Variants in SREK1 observed in about 807,000 individuals in gnomAD.
SREK1 encodes the protein splicing regulatory glutamic acid and lysine rich protein 1.
In SREK1, 13 loss-of-function variants were observed where a neutral mutation model predicts 66.5. The observed-to-expected ratio is 0.20, with a 90% CI of 0.13 to 0.31. SREK1 has a LOEUF of 0.31. Ranked by LOEUF, SREK1 falls within the 10% of genes least tolerant of loss-of-function variation. The pLI is 1.00. For synonymous variants in SREK1, 265 were observed against 263.5 expected (o/e 1.01, Z -0.05); for missense variants, 607 against 769.6 (o/e 0.79, Z 2.50).
intron 2 of SREK1, chr5:66,157,703 C>T (rs2111993978): frequency 1.0e-6 from 1 of 954,040 alleles, no homozygotes; most frequent in Non-Finnish European, 1.2e-6. Context: ...CCAGAATTTT[C>T]ACTGAAATAA....
chr5:66,172,387 T>G (rs906028716), intron 9 of SREK1, among the ~76,000 whole-genome samples: 2 of 152,190 alleles, frequency 1.3e-5, no homozygotes, highest in African/African-American at 4.8e-5. Context: ...TTCACATTCA[T>G]TCCTAAATAT....
chr5:66,162,151 G>A lies in SREK1; in HGVS notation c.454G>A (p.Ala152Thr). 6.2e-7 allele frequency: 1 copy of A among 1,613,974 alleles called. No homozygotes were observed. The highest frequency in any genetic ancestry group is 8.5e-7 in the Non-Finnish European group (1 of 1,179,956). ...CAGTTTGGGAGCTATACCAGCAGCAGCACTAGACCCCAACATTGCAACACT... is the reference window on the plus strand; with the variant it reads ...CAGTTTGGGAGCTATACCAGCAGCAACACTAGACCCCAACATTGCAACACT... ...LSSLGAIPAA[A>T]LDPNIATLGE... Residue 152 changes from alanine to threonine, a missense_variant, in exon 4 of 12, where the codon GCA (alanine) becomes ACA (threonine). This residue lies in a region of SREK1 where 99 missense variants were observed against 186.6 expected (regional missense o/e 0.53). Transcript: ENST00000334121.
In SREK1 at chr5:66,183,583, A is replaced by T. The variant is rs1054114379; in HGVS notation, c.*4715A>T. On this transcript the variant is annotated 3_prime_UTR_variant, in exon 12 of 12. Transcript: ENST00000334121. ...CAAACAATGCTGCTATTATGTTGCT[A>T]TATTTTTAATAAAATGAAAATCTTA... is the stretch of plus-strand genomic sequence containing the variant. The T allele has an allele frequency of 6.6e-6, 1 of 152,210 alleles. No homozygotes were observed. Among genetic ancestry groups the T allele is most frequent in the South Asian group, 2.1e-4 (1 of 4,836 alleles). The allele number at this position is 152,210 out of a possible 1,614,324, so 9.4% of individuals were successfully genotyped here. A position where few individuals can be genotyped will look rare whatever the true frequency, so the allele number is the denominator to read the frequency against.
intron 3 of SREK1, 23 bp downstream of exon 3, chr5:66,159,357 T>C (rs770465974): frequency 6.4e-7 from 1 of 1,572,382 alleles, no homozygotes; most frequent in South Asian, 1.2e-5. Flanking sequence ...AGCTGGCTTA[T>C]GAAAGAGGTG....
chr5:66,179,723 C>T lies in SREK1; in HGVS notation c.*855C>T, dbSNP rs1746353671. 4 of 152,468 alleles carry T rather than the reference C, an allele frequency of 2.6e-5. No homozygotes were observed. Among genetic ancestry groups the T allele is most frequent in the Non-Finnish European group, 5.9e-5 (4 of 67,954 alleles). The allele number at this position is 152,468 out of a possible 1,614,324, so 9.4% of individuals were successfully genotyped here. On this transcript the variant is annotated 3_prime_UTR_variant, in exon 12 of 12. Transcript: ENST00000334121. The stretch of plus-strand genomic sequence containing the variant: ...CTTATAAAAAAGGAAACTGGCTTTT[C>T]AAAATGGGCTATGGGAGCACAAGCT...
In SREK1 at chr5:66,174,954, G is replaced by A. The variant is rs773818045; in HGVS notation, c.1493G>A (p.Arg498His). Residue 498 changes from arginine to histidine, a missense_variant, in exon 10 of 12, where the codon CGT (arginine) becomes CAT (histidine). Arg to His is a conservative substitution (Grantham distance 29). Around this residue, in one of 5 missense-constraint regions of SREK1, gnomAD observed 318 missense variants for 310.3 expected, o/e 1.02. Coordinates refer to ENST00000334121, the MANE Select transcript of SREK1 (RefSeq NM_001077199.3). ...GTGTTTTTGATTTTCAGGGAAAGGC[G>A]TAGGAGGAGGAGCAGGAGTTCTTCC... ...RRSRSSSRER[R>H]RRRSRSSSRS... The A allele has an allele frequency of 1.1e-5, 18 of 1,612,502 alleles. No homozygotes were observed. In the East Asian group the frequency reaches 1.6e-4, roughly 14 times the overall value.
In SREK1 at chr5:66,151,056, G is replaced by A. The variant is rs564079580; in HGVS notation, c.162-2407G>A. Among the ~76,000 whole-genome samples the A allele has an allele frequency of 5.3e-5, 8 of 152,226 alleles. No individual in the cohort carries two copies. The South Asian group carries it at 1.7e-3, about 32-fold the overall frequency. ...GGGTTTCATCATGTTGGCTAGACTG[G>A]TCTCAAACTCCTGACATCAGGTGAT... On this transcript the variant is annotated intron_variant, in intron 1 of 11. Coordinates refer to ENST00000334121, the MANE Select transcript of SREK1 (RefSeq NM_001077199.3).
intron 1 of SREK1, among the ~76,000 whole-genome samples, chr5:66,145,978 G>T (rs1389571468): frequency 6.6e-6 from 1 of 151,322 alleles, no homozygotes; most frequent in African/African-American, 2.4e-5. Context: ...TATAGATGAG[G>T]TATATAGAGA....
chr5:66,144,881 C>T, intron 1 of SREK1: 8 of 1,021,240 alleles, frequency 7.8e-6, no homozygotes, highest in Non-Finnish European at 9.4e-6. Flanking sequence ...CCCGGAACAG[C>T]CCTCATGGCA....
chr5:66,144,483 G>T lies in SREK1; in HGVS notation c.107G>T (p.Arg36Leu). ...TCGGCGGTGACCAGCGAGCAGATGC[G>T]GACGCTTTTTTCCTTCCTAGGAGAA... is the stretch of plus-strand genomic sequence containing the variant. ...LSSAVTSEQMRTLFSFLGEIE... is the reference protein window; with the variant it reads ...LSSAVTSEQMLTLFSFLGEIE... Residue 36 changes from arginine to leucine, a missense_variant, in exon 1 of 12, where the codon CGG becomes CTG. This residue lies in a region of SREK1 where 75 missense variants were observed against 72.9 expected (regional missense o/e 1.03). Coordinates refer to ENST00000334121, the MANE Select transcript of SREK1 (RefSeq NM_001077199.3). 2.3e-5 allele frequency: 36 copies of T among 1,553,502 alleles called. No homozygotes were observed. The highest frequency in any genetic ancestry group is 3.1e-5 in the Non-Finnish European group (36 of 1,147,966).
chr5:66,156,156 A>G (rs1345562962), intron 2 of SREK1: 12 of 1,398,060 alleles, frequency 8.6e-6, no homozygotes, highest in African/African-American at 1.5e-5. Flanking sequence ...TGAAACCTTC[A>G]TTGGGGAAAT....
intron 7 of SREK1, chr5:66,167,328 T>G (rs1316499534): frequency 1.3e-5 from 2 of 152,228 alleles, no homozygotes; most frequent in Non-Finnish European, 2.9e-5. Context: ...GTACTATAAT[T>G]GTTATAATTT....
At chr5:66,173,287 A>G (rs1346690460) in intron 9 of SREK1, among the ~76,000 whole-genome samples, 1 of 152,218 alleles carries the variant, frequency 6.6e-6, no homozygotes, top group Non-Finnish European at 1.5e-5. Flanking sequence ...AGAAAATGAT[A>G]TTAAATAATT....
At position 66,162,090 on chromosome 5, in the gene SREK1, T is replaced by C; in HGVS notation, c.412-19T>C. 6.2e-7 allele frequency: 1 copy of C among 1,605,084 alleles called. No individual in the cohort carries two copies. Among genetic ancestry groups the C allele is most frequent in the Non-Finnish European group, 8.5e-7 (1 of 1,176,876 alleles). ...ATAGAAAATATGTGTTCTGTGTGTT[T>C]TTTTTCTTCTTTCGATAGCTTGGTG... is the stretch of plus-strand genomic sequence containing the variant. On this transcript the variant is annotated intron_variant, in intron 3 of 11. Coordinates refer to ENST00000334121, the MANE Select transcript of SREK1 (RefSeq NM_001077199.3).
chr5:66,144,646 C>T, intron 1 of SREK1, 109 bp downstream of exon 1: 1 of 1,430,434 alleles, frequency 7.0e-7, no homozygotes. Context: ...GTCACGTGAT[C>T]GCGCCGGCTT....
intron 1 of SREK1, among the ~76,000 whole-genome samples, chr5:66,151,103 A>G (rs1743758176): frequency 6.6e-6 from 1 of 152,140 alleles, no homozygotes; most frequent in South Asian, 2.1e-4. Context: ...TGCCTCCCAT[A>G]GTGCTAGGAT....
rs937748802 is a variant in SREK1, at chr5:66,181,697, C to A, written c.*2829C>A. 3 of 152,042 alleles carry A rather than the reference C, an allele frequency of 2.0e-5. No individual in the cohort carries two copies. In the South Asian group the frequency reaches 6.2e-4, roughly 32 times the overall value. 9.4% of individuals were successfully genotyped at this position (152,042 alleles called of 1,614,324 possible). A position where few individuals can be genotyped will look rare whatever the true frequency, so the allele number is the denominator to read the frequency against. On this transcript the variant is annotated 3_prime_UTR_variant, in exon 12 of 12. Transcript: ENST00000334121. ...GTCAAAACTTTTAAATCCTGAAGTT[C>A]TGCAGTTATCATCTTAGTTATTTTC... is the stretch of plus-strand genomic sequence containing the variant.
In SREK1 at chr5:66,174,953, CGTA is replaced by C. The variant is rs754217869; in HGVS notation, c.1494_1496del (p.Arg501del). 1.9e-6 allele frequency: 3 copies of C among 1,612,262 alleles called. No individual in the cohort carries two copies. In the South Asian group the frequency reaches 3.3e-5, roughly 18 times the overall value. On this transcript the variant is annotated inframe_deletion, in exon 10 of 12. Coordinates refer to ENST00000334121, the MANE Select transcript of SREK1 (RefSeq NM_001077199.3). ...TGTGTTTTTGATTTTCAGGGAAAGG[CGTA>C]GGAGGAGGAGCAGGAGTTCTTCCAG...
At chr5:66,145,107 T>C (rs1437061765) in intron 1 of SREK1, 2 of 985,642 alleles carry the variant, frequency 2.0e-6, no homozygotes, top group Non-Finnish European at 2.4e-6. Flanking sequence ...CCAAAGATCA[T>C]GTCTGTTAGC....
Sources: gnomAD v4.1 joint callset for allele counts (sites outside exome capture counted in the v4.1 genomes callset) on GRCh38, gnomAD v4.1.1 for gene constraint, gnomAD v4.1.1 regional missense constraint, MANE v1.5 for transcripts, NCBI Gene and HGNC (gene_info 2026-07-23, HGNC 2026-07-21) for gene names.